ATOSA: variants seen among roughly 807,000 people sequenced by gnomAD.
ATOSA encodes atos homolog A.
chr15:52,681,476 G>A, the ATOSA span, among the ~76,000 whole-genome samples: 8 of 152,126 alleles, frequency 5.3e-5, no homozygotes, highest in African/African-American at 1.9e-4. Context: ...TCTGACAATA[G>A]TTATCGCTTT....
chr15:52,673,016 A>G, the ATOSA span, among the ~76,000 whole-genome samples: 1 of 152,242 alleles, frequency 6.6e-6, no homozygotes, highest in Non-Finnish European at 1.5e-5. Flanking sequence ...CACACTGAAT[A>G]TACAAAACAT....
chr15:52,626,521 G>A, the ATOSA span, among the ~76,000 whole-genome samples: 1 of 97,894 alleles, frequency 1.0e-5, no homozygotes, highest in Non-Finnish European at 1.9e-5. Flanking sequence ...AAAAGATAAG[G>A]GAAAGCTGAA....
chr15:52,612,950 T>C, the ATOSA span, among the ~76,000 whole-genome samples: 1 of 151,894 alleles, frequency 6.6e-6, no homozygotes, highest in Admixed American at 6.6e-5. Context: ...AAAAAATATC[T>C]TCCCATTTAA....
chr15:52,611,058 G>A, the ATOSA span: 1 of 1,480,872 alleles, frequency 6.8e-7, no homozygotes, highest in Non-Finnish European at 9.0e-7. Context: ...TATTTAAAAG[G>A]TAAAATGCCA....
At chr15:52,601,032 C>A in the ATOSA span, 1 of 1,113,880 alleles carries the variant, frequency 9.0e-7, no homozygotes, top group East Asian at 2.6e-5. Flanking sequence ...TGTTAAAGAC[C>A]AGAATTTTGT....
the ATOSA span, among the ~76,000 whole-genome samples, chr15:52,618,524 A>G: frequency 6.6e-6 from 1 of 152,150 alleles, no homozygotes; most frequent in South Asian, 2.1e-4. Context: ...GAGAGAGTGA[A>G]AGAAAGAGGT....
the ATOSA span, chr15:52,611,761 C>T: frequency 7.5e-4 from 1,217 of 1,613,858 alleles, 1 homozygote; most frequent in Non-Finnish European, 9.4e-4. Context: ...AGACCTAGTT[C>T]GTCTGGCTTG....
the ATOSA span, among the ~76,000 whole-genome samples, chr15:52,680,167 G>A: frequency 4.6e-5 from 7 of 152,156 alleles, no homozygotes; most frequent in Admixed American, 6.5e-5. Context: ...ATAGCAATGT[G>A]ACATGATGGC....
chr15:52,666,407 C>T, the ATOSA span, among the ~76,000 whole-genome samples: 1 of 152,172 alleles, frequency 6.6e-6, no homozygotes, highest in Non-Finnish European at 1.5e-5. Context: ...GATAAGTAAA[C>T]ATAAATGCTT....
chr15:52,582,726 C>T, the ATOSA span, among the ~76,000 whole-genome samples: 3 of 152,236 alleles, frequency 2.0e-5, no homozygotes, highest in Admixed American at 2.0e-4. Context: ...CCATTTCACA[C>T]AGCTTAGCCT....
chr15:52,675,668 G>T, the ATOSA span, among the ~76,000 whole-genome samples: 1 of 152,176 alleles, frequency 6.6e-6, no homozygotes, highest in Admixed American at 6.5e-5. Context: ...CAGCACACTG[G>T]GAGGCCGAGG....
the ATOSA span, among the ~76,000 whole-genome samples, chr15:52,607,026 A>G: frequency 6.6e-6 from 1 of 152,232 alleles, no homozygotes; most frequent in Non-Finnish European, 1.5e-5. Context: ...TCTTTTATGT[A>G]TATAGTACAT....
chr15:52,672,039 C>A, the ATOSA span, among the ~76,000 whole-genome samples: 1 of 151,524 alleles, frequency 6.6e-6, no homozygotes, highest in South Asian at 2.1e-4. Flanking sequence ...TCCTGTTTTA[C>A]TTTAATAAGA....
At chr15:52,619,440 A>G in the ATOSA span, among the ~76,000 whole-genome samples, 1 of 152,204 alleles carries the variant, frequency 6.6e-6, no homozygotes, top group Non-Finnish European at 1.5e-5. Flanking sequence ...ATAAAGTTTG[A>G]TTTTAGAGCA....
At chr15:52,626,303 G>A in the ATOSA span, among the ~76,000 whole-genome samples, 6 of 152,260 alleles carry the variant, frequency 3.9e-5, no homozygotes, top group African/African-American at 1.4e-4. Context: ...TACGGGAAAA[G>A]TCTAGATCAT....
the ATOSA span, among the ~76,000 whole-genome samples, chr15:52,699,863 A>G: frequency 6.6e-6 from 1 of 152,122 alleles, no homozygotes; most frequent in Non-Finnish European, 1.5e-5. Context: ...CATCAGCAGC[A>G]ATTCAGTCTT....
the ATOSA span, among the ~76,000 whole-genome samples, chr15:52,612,903 C>T: frequency 6.6e-6 from 1 of 151,476 alleles, no homozygotes; most frequent in Admixed American, 6.6e-5. Context: ...GCTACTACAC[C>T]AAAATATTTT....
the ATOSA span, among the ~76,000 whole-genome samples, chr15:52,617,390 T>C: frequency 6.6e-6 from 1 of 152,180 alleles, no homozygotes; most frequent in African/African-American, 2.4e-5. Context: ...GATCTTGGAC[T>C]TCCAGCCTTC....
At chr15:52,677,272 G>A in the ATOSA span, among the ~76,000 whole-genome samples, 1 of 152,090 alleles carries the variant, frequency 6.6e-6, no homozygotes, top group Non-Finnish European at 1.5e-5. Flanking sequence ...ATGTTCCTTG[G>A]AATCAAACTC....
Sources: allele counts gnomAD v4.1 joint callset (sites outside exome capture counted in the v4.1 genomes callset), GRCh38; gene constraint gnomAD v4.1.1; transcripts MANE v1.5; gene names NCBI Gene and HGNC (gene_info 2026-07-23, HGNC 2026-07-21).